Variants in RIT2 observed in about 807,000 individuals in gnomAD.
The protein encoded by RIT2 is GTP-binding protein Rit2.
In RIT2, 24 loss-of-function variants were observed where a neutral mutation model predicts 23.7. The ratio of observed to expected loss-of-function variants is 1.01; its 90% CI spans 0.73 to 1.43. RIT2 has a LOEUF of 1.43. RIT2 is among the 40% of genes most tolerant of loss of function. The pLI is 0.00. For synonymous variants in RIT2, 107 were observed against 91.1 expected (o/e 1.17, Z -0.99); for missense variants, 236 against 266.9 (o/e 0.88, Z 0.81).
At chr18:43,028,131 G>C (rs1911774533) in intron 2 of RIT2, among the ~76,000 whole-genome samples, 1 of 151,974 alleles carries the variant, frequency 6.6e-6, no homozygotes, top group South Asian at 2.1e-4. Context: ...AAGGAAACAA[G>C]CTGTGTGCTG....
chr18:43,074,637 GAATC>G (rs1225798971), intron 1 of RIT2, among the ~76,000 whole-genome samples: 1 of 152,076 alleles, frequency 6.6e-6, no homozygotes, highest in Non-Finnish European at 1.5e-5. Flanking sequence ...CAATGACATG[GAATC>G]AACCGACATG....
chr18:42,974,293 G>A (rs1243041831), intron 2 of RIT2, 146 bp from the exon 3 acceptor site: 2 of 552,484 alleles, frequency 3.6e-6, no homozygotes, highest in African/African-American at 3.9e-5. Flanking sequence ...GAAAAATGAT[G>A]TAACTCAGGA....
intron 4 of RIT2, among the ~76,000 whole-genome samples, chr18:42,832,788 C>G (rs537212283): frequency 1.3e-5 from 2 of 152,208 alleles, no homozygotes; most frequent in South Asian, 4.1e-4. Flanking sequence ...TGCAGTGGCT[C>G]AGTCCTGTAA....
chr18:42,895,181 G>GT (rs998385280), intron 4 of RIT2, among the ~76,000 whole-genome samples: 13 of 150,828 alleles, frequency 8.6e-5, no homozygotes, highest in African/African-American at 2.4e-4. Context: ...AGTAGTCTTT[G>GT]TTTTTTTTTC....
intron 1 of RIT2, among the ~76,000 whole-genome samples, chr18:43,089,215 C>A (rs911332637): frequency 6.6e-6 from 1 of 152,060 alleles, no homozygotes; most frequent in African/African-American, 2.4e-5. Context: ...AGCCCAAAAA[C>A]TTCTTTACCT....
chr18:43,065,757 T>C (rs1453253753), intron 1 of RIT2, among the ~76,000 whole-genome samples: 5 of 150,980 alleles, frequency 3.3e-5, no homozygotes, highest in African/African-American at 4.8e-5. Flanking sequence ...CTCCCACTTA[T>C]GTGATCATGG....
chr18:42,802,320 C>G (rs1242237987), intron 4 of RIT2, among the ~76,000 whole-genome samples: 1 of 152,086 alleles, frequency 6.6e-6, no homozygotes, highest in Non-Finnish European at 1.5e-5. Context: ...CATGAACGAA[C>G]AGTGATATGG....
At chr18:43,105,348 A>G (rs1913787914) in intron 1 of RIT2, among the ~76,000 whole-genome samples, 1 of 149,872 alleles carries the variant, frequency 6.7e-6, no homozygotes, top group South Asian at 2.1e-4. Context: ...TTCAACCCAA[A>G]TTGTATTTTC....
intron 4 of RIT2, among the ~76,000 whole-genome samples, chr18:42,805,560 T>G (rs1018711697): frequency 5.3e-5 from 8 of 152,224 alleles, no homozygotes; most frequent in Admixed American, 2.0e-4. Context: ...TTTTCTAGAT[T>G]GCATTTCAAA....
chr18:42,884,919 C>T (rs1006839251), intron 4 of RIT2, among the ~76,000 whole-genome samples: 8 of 152,142 alleles, frequency 5.3e-5, no homozygotes, highest in African/African-American at 1.7e-4. Flanking sequence ...AATATCCACC[C>T]CATCATTCTT....
intron 4 of RIT2, among the ~76,000 whole-genome samples, chr18:42,759,752 C>T (rs1913255463): frequency 1.9e-5 from 2 of 103,620 alleles, no homozygotes; most frequent in African/African-American, 3.5e-5. Flanking sequence ...CACACACACA[C>T]ACATACGGAT....
intron 4 of RIT2, among the ~76,000 whole-genome samples, chr18:42,798,508 TG>T (rs1905436654): frequency 6.6e-6 from 1 of 152,242 alleles, no homozygotes; most frequent in Admixed American, 6.5e-5. Flanking sequence ...TAATGTCTAT[TG>T]AGTTAAAATA....
intron 4 of RIT2, chr18:42,920,697 C>T (rs751854223): frequency 1.9e-6 from 3 of 1,590,190 alleles, no homozygotes; most frequent in South Asian, 2.2e-5. Flanking sequence ...CTATTCTTAC[C>T]AAATATGAAA....
intron 4 of RIT2, among the ~76,000 whole-genome samples, chr18:42,874,376 C>G (rs758652159): frequency 6.6e-6 from 1 of 152,042 alleles, no homozygotes; most frequent in African/African-American, 2.4e-5. Context: ...TATATTTATA[C>G]TTGCAGATTT....
At chr18:43,036,998 G>A (rs916949166) in intron 1 of RIT2, among the ~76,000 whole-genome samples, 2 of 152,174 alleles carry the variant, frequency 1.3e-5, no homozygotes, top group African/African-American at 4.8e-5. Flanking sequence ...TAGAAAATTG[G>A]CATTCTATTA....
At chr18:42,776,495 A>G (rs1913675754) in intron 4 of RIT2, among the ~76,000 whole-genome samples, 1 of 152,210 alleles carries the variant, frequency 6.6e-6, no homozygotes, top group Non-Finnish European at 1.5e-5. Flanking sequence ...ATTATACCAA[A>G]AAAGTAAAAA....
At chr18:43,037,133 G>C (rs1480157848) in intron 1 of RIT2, among the ~76,000 whole-genome samples, 1 of 152,000 alleles carries the variant, frequency 6.6e-6, no homozygotes, top group African/African-American at 2.4e-5. Context: ...TAATAACAAT[G>C]GTCTATCTTT....
At chr18:42,881,925 T>C (rs1389875051) in intron 4 of RIT2, among the ~76,000 whole-genome samples, 2 of 152,260 alleles carry the variant, frequency 1.3e-5, no homozygotes, top group Non-Finnish European at 2.9e-5. Flanking sequence ...ATCTCAGGCA[T>C]ACAGGCGGAT....
intron 4 of RIT2, among the ~76,000 whole-genome samples, chr18:42,821,604 C>T (rs113235153): frequency 1.5e-3 from 225 of 152,166 alleles, no homozygotes; most frequent in African/African-American, 5.0e-3. Flanking sequence ...GAGCCGTAGA[C>T]ATCCCGCAAT....
Sources: gnomAD v4.1 joint callset for allele counts (sites outside exome capture counted in the v4.1 genomes callset) on GRCh38, gnomAD v4.1.1 for gene constraint, MANE v1.5 for transcripts, NCBI Gene and HGNC (gene_info 2026-07-23, HGNC 2026-07-21) for gene names.